PLCH1: variants seen among roughly 807,000 people sequenced by gnomAD.
The protein encoded by PLCH1 is phospholipase C eta 1.
A neutral mutation model predicts 126.7 loss-of-function variants in PLCH1; 60 were observed. The ratio of observed to expected loss-of-function variants is 0.47; its 90% CI spans 0.38 to 0.59. The LOEUF is 0.59. Ranked by LOEUF, PLCH1 falls within the 20% of genes least tolerant of loss-of-function variation. The probability of loss-of-function intolerance (pLI) is 0.00; values close to 1 mark genes in which losing one functional copy is unlikely to be tolerated. For missense variants in PLCH1, 1,723 were observed against 2,040.0 expected (o/e 0.84, Z 2.99); for synonymous variants, 719 against 734.9 (o/e 0.98, Z 0.35).
At position 155,530,955 on chromosome 3, in the gene PLCH1, T is replaced by G. The variant is rs530140832; in HGVS notation, c.1363-6951A>C. On this transcript the variant is annotated intron_variant, in intron 10 of 22. Transcript: ENST00000460012. ...AACAACATTAATCTACTTATACATC[T>G]CATTAGAGTTCTTGGGTGACCAGGT... Among the ~76,000 whole-genome samples the G allele has an allele frequency of 8.5e-5, 13 of 152,348 alleles. No homozygotes were observed. In the South Asian group the frequency reaches 2.5e-3, roughly 29 times the overall value.
intron 2 of PLCH1, among the ~76,000 whole-genome samples, chr3:155,625,074 T>A (rs1381317297): frequency 6.6e-6 from 1 of 152,056 alleles, no homozygotes; most frequent in African/African-American, 2.4e-5. Flanking sequence ...AATAGAGACC[T>A]CAGAAATAAC....
intron 1 of PLCH1, among the ~76,000 whole-genome samples, chr3:155,731,385 C>T (rs1382705274): frequency 1.3e-5 from 2 of 152,210 alleles, no homozygotes; most frequent in South Asian, 2.1e-4. Context: ...CCTCATGCAC[C>T]TAGGCAGCAG....
intron 2 of PLCH1, among the ~76,000 whole-genome samples, chr3:155,702,748 A>T (rs1209883914): frequency 6.6e-6 from 1 of 152,210 alleles, no homozygotes; most frequent in Non-Finnish European, 1.5e-5. Context: ...AAATAAACCT[A>T]GTTCTTCTAA....
chr3:155,547,897 G>C (rs1725587694), intron 10 of PLCH1, among the ~76,000 whole-genome samples: 1 of 112,818 alleles, frequency 8.9e-6, no homozygotes, highest in Non-Finnish European at 1.7e-5. Flanking sequence ...TGTGGGGTGG[G>C]GGGAGGGGGG....
chr3:155,599,372 G>A (rs1011958630), intron 2 of PLCH1, among the ~76,000 whole-genome samples: 1 of 152,116 alleles, frequency 6.6e-6, no homozygotes, highest in South Asian at 2.1e-4. Flanking sequence ...TTGGGTATAG[G>A]AAAGGGTATG....
chr3:155,469,156 C>A (rs1208601259), intron 21 of PLCH1, among the ~76,000 whole-genome samples: 1 of 152,208 alleles, frequency 6.6e-6, no homozygotes, highest in African/African-American at 2.4e-5. Flanking sequence ...GCATTTCCAT[C>A]TGAGGTACCG....
chr3:155,707,325 G>A (rs1208824363), intron 1 of PLCH1, among the ~76,000 whole-genome samples: 4 of 152,156 alleles, frequency 2.6e-5, no homozygotes, highest in Non-Finnish European at 5.9e-5. Flanking sequence ...TTCAGATGAG[G>A]CCACAGATAC....
Position 155,482,306 on chromosome 3 carries a change from C to G in PLCH1, c.3720G>C (p.Lys1240Asn), listed in dbSNP as rs1560044307. The G allele has an allele frequency of 6.2e-7, 1 of 1,614,166 alleles. No individual in the cohort carries two copies. The highest frequency in any genetic ancestry group is 1.1e-5 in the South Asian group (1 of 91,076). Reference protein sequence around the residue: ...IKHGFCKGKSKSSFLCSSPEL... With the variant: ...IKHGFCKGKSNSSFLCSSPEL... ...CCGGAGATGAGCACAGGAAGGAAGA[C>G]TTGGATTTTCCCTTGCAAAAACCAT... Residue 1240 changes from lysine to asparagine, a missense_variant, in exon 23 of 23, where the codon AAG (lysine) becomes AAC (asparagine). Lys to Asn is a moderately conservative substitution (Grantham distance 94). Transcript: ENST00000460012.
chr3:155,592,760 G>A (rs74535772), intron 4 of PLCH1, among the ~76,000 whole-genome samples: 1 of 152,044 alleles, frequency 6.6e-6, no homozygotes, highest in Non-Finnish European at 1.5e-5. Flanking sequence ...CTGTTAGTAC[G>A]GTTTCTGATA....
chr3:155,737,163 C>A (rs376742148), intron 1 of PLCH1, among the ~76,000 whole-genome samples: 3 of 130,410 alleles, frequency 2.3e-5, no homozygotes, highest in Non-Finnish European at 3.1e-5. Flanking sequence ...ATCCGGAAAG[C>A]GGAGGTTGCA....
intron 1 of PLCH1, among the ~76,000 whole-genome samples, chr3:155,725,649 G>A (rs940306230): frequency 1.3e-5 from 2 of 151,646 alleles, no homozygotes; most frequent in Non-Finnish European, 2.9e-5. Flanking sequence ...CACGTTGGCC[G>A]GGCTGGTCTT....
At chr3:155,740,555 G>C (rs962778541) in intron 1 of PLCH1, among the ~76,000 whole-genome samples, 72 of 151,976 alleles carry the variant, frequency 4.7e-4, no homozygotes, top group African/African-American at 1.6e-3. Context: ...AGCAAATCTA[G>C]GGCAAGGATT....
chr3:155,555,013 GT>G (rs1327954735), intron 8 of PLCH1, among the ~76,000 whole-genome samples: 2 of 152,148 alleles, frequency 1.3e-5, no homozygotes, highest in Non-Finnish European at 2.9e-5. Flanking sequence ...GCTTTCTCTT[GT>G]TTTTATATTT....
intron 1 of PLCH1, among the ~76,000 whole-genome samples, chr3:155,741,684 C>CTTTTATTTTTTTTTTATTT: frequency 1.5e-4 from 15 of 102,864 alleles, no homozygotes; most frequent in Non-Finnish European, 2.1e-4. Flanking sequence ...TTTATATCCT[C>CTTTTATTTTTTTTTTATTT]TTTTTTTTTT....
At chr3:155,569,199 A>G (rs976205342) in intron 6 of PLCH1, among the ~76,000 whole-genome samples, 4 of 152,204 alleles carry the variant, frequency 2.6e-5, no homozygotes, top group East Asian at 3.8e-4. Flanking sequence ...AGAATGTGAT[A>G]TTTTGATCAA....
intron 2 of PLCH1, among the ~76,000 whole-genome samples, chr3:155,622,793 C>T (rs898320831): frequency 6.6e-6 from 1 of 152,076 alleles, no homozygotes; most frequent in Non-Finnish European, 1.5e-5. Flanking sequence ...AAGAGACTTA[C>T]ACTCCCACAG....
rs2108595455 is a variant in PLCH1 at position 155,583,468 on chromosome 3, A to T, written c.771+4T>A. 1 of 1,594,462 alleles carries T rather than the reference A, an allele frequency of 6.3e-7. No homozygotes were observed. The highest frequency in any genetic ancestry group is 8.5e-7 in the Non-Finnish European group (1 of 1,171,170). On this transcript the variant is annotated splice_donor_region_variant and intron_variant, in intron 6 of 22. Transcript: ENST00000460012. ...AAACTTTCATTTTAACAGTCTAATG[A>T]TACCTTTTGCTCCACCTTCAAAAAC...
intron 2 of PLCH1, among the ~76,000 whole-genome samples, chr3:155,668,709 A>G (rs1034229431): frequency 2.0e-5 from 3 of 152,268 alleles, no homozygotes; most frequent in Non-Finnish European, 4.4e-5. Context: ...CCTGGCCAAC[A>G]TGGTGAAACC....
rs373389898 is a variant in PLCH1 at position 155,544,226 on chromosome 3, A to G, written c.1362+5561T>C. On this transcript the variant is annotated intron_variant, in intron 10 of 22. Coordinates refer to ENST00000460012, the MANE Select transcript of PLCH1 (RefSeq NM_014996.4). ...GCAAATGGAAAACAAAAAAAGGCAGAGGTTGCAATCCTAGTCTCTGATAAA... is the reference window on the plus strand; with the variant it reads ...GCAAATGGAAAACAAAAAAAGGCAGGGGTTGCAATCCTAGTCTCTGATAAA... Among the ~76,000 whole-genome samples the G allele has an allele frequency of 4.8e-3, 729 of 152,286 alleles. 2 individuals carry two copies. Among genetic ancestry groups the G allele is most frequent in the Non-Finnish European group, 7.7e-3 (521 of 68,014 alleles).
Sources: allele counts gnomAD v4.1 joint callset (sites outside exome capture counted in the v4.1 genomes callset), GRCh38; gene constraint gnomAD v4.1.1; transcripts MANE v1.5; gene names NCBI Gene and HGNC (gene_info 2026-07-23, HGNC 2026-07-21).